SYNE1: variants seen among roughly 807,000 people sequenced by gnomAD.
The protein encoded by SYNE1 is nesprin-1.
Under a neutral mutation model 1,111.0 loss-of-function variants are expected in SYNE1, and 616 were observed. The observed-to-expected ratio is 0.55, with a 90% CI of 0.52 to 0.59. The LOEUF (loss-of-function observed/expected upper bound fraction) is 0.59. Among genes scored for constraint, SYNE1 ranks in the 20% least tolerant of loss-of-function variants. The pLI is 0.00. For synonymous variants in SYNE1, 3,855 were observed against 3,825.8 expected (o/e 1.01, Z -0.28); for missense variants, 10,006 against 10,417.0 (o/e 0.96, Z 1.72).
intron 124 of SYNE1, among the ~76,000 whole-genome samples, chr6:152,208,702 T>A (rs888701817): frequency 1.3e-5 from 2 of 152,212 alleles, no homozygotes; most frequent in African/African-American, 4.8e-5. Context: ...AAAGATTTTT[T>A]AAAAACTGTA....
At position 152,373,212 on chromosome 6, in the gene SYNE1, A is replaced by C; in HGVS notation, c.9332T>G (p.Leu3111Trp). The C allele has an allele frequency of 6.2e-7, 1 of 1,610,900 alleles. No individual in the cohort carries two copies. ...GTGCTGTCCATTTTCACTTTCTGAC[A>C]AAAACTCCTATAAAAGAAAATATAG... Reference protein sequence around the residue: ...STSLQKIQEFLSESENGQHKL... With the variant: ...STSLQKIQEFWSESENGQHKL... Residue 3111 changes from leucine (L) to tryptophan (W), a missense_variant, in exon 59 of 146, where the codon TTG becomes TGG. Physicochemically the swap from Leu to Trp is moderately conservative, Grantham distance 61. This residue lies in a region of SYNE1 where 4,955 missense variants were observed against 5,017.2 expected (regional missense o/e 0.99). Transcript: ENST00000367255.
intron 51 of SYNE1, 68 bp downstream of exon 51, chr6:152,395,444 AAACC>A (rs1181586567): frequency 1.4e-5 from 21 of 1,544,638 alleles, no homozygotes; most frequent in African/African-American, 8.2e-5. Context: ...AATCAAAACC[AAACC>A]AACCAACCAA....
intron 3 of SYNE1, among the ~76,000 whole-genome samples, chr6:152,560,541 C>G (rs1461395704): frequency 1.3e-5 from 2 of 152,138 alleles, no homozygotes; most frequent in Non-Finnish European, 2.9e-5. Flanking sequence ...CTTTCCCAAA[C>G]TGTTTAAAAA....
At chr6:152,296,741 C>T (rs778154003) in intron 93 of SYNE1, among the ~76,000 whole-genome samples, 12 of 152,186 alleles carry the variant, frequency 7.9e-5, no homozygotes, top group Non-Finnish European at 1.8e-4. Flanking sequence ...AATTCACATT[C>T]GTAGCTTGTT....
intron 64 of SYNE1, among the ~76,000 whole-genome samples, chr6:152,359,914 A>T (rs4286796): frequency 0.18 from 27,377 of 151,268 alleles, 3,015 homozygotes; most frequent in African/African-American, 0.29. Context: ...TCCGTCCTCT[A>T]AACCATTAGG....
At chr6:152,310,571 GAATA>G (rs2095516501) in intron 88 of SYNE1, 53 bp from the exon 89 acceptor site, 1 of 1,612,746 alleles carries the variant, frequency 6.2e-7, no homozygotes, top group African/African-American at 1.3e-5. Context: ...CATAGGGGAA[GAATA>G]ACATCACAGT....
intron 34 of SYNE1, 56 bp downstream of exon 34, chr6:152,433,739 A>G: frequency 6.2e-7 from 1 of 1,600,498 alleles, no homozygotes; most frequent in South Asian, 1.1e-5. Context: ...GAAATGTAAG[A>G]AAGTAGTTCT....
intron 4 of SYNE1, among the ~76,000 whole-genome samples, chr6:152,532,713 G>A (rs748290223): frequency 1.3e-5 from 2 of 152,098 alleles, no homozygotes; most frequent in South Asian, 2.1e-4. Flanking sequence ...TGCACAGAAC[G>A]ACCCATAACT....
At chr6:152,288,520 A>G (rs1427750462) in intron 95 of SYNE1, among the ~76,000 whole-genome samples, 2 of 152,238 alleles carry the variant, frequency 1.3e-5, no homozygotes, top group African/African-American at 4.8e-5. Context: ...TAAAGGAATT[A>G]GGAAAATCTG....
At chr6:152,592,526 G>T (rs1023907766) in intron 3 of SYNE1, among the ~76,000 whole-genome samples, 1 of 152,122 alleles carries the variant, frequency 6.6e-6, no homozygotes, top group African/African-American at 2.4e-5. Flanking sequence ...AAAACACATG[G>T]ACATAAATTT....
At chr6:152,501,277 T>TAA (rs147344865) in intron 10 of SYNE1, among the ~76,000 whole-genome samples, 1 of 152,148 alleles carries the variant, frequency 6.6e-6, no homozygotes, top group African/African-American at 2.4e-5. Flanking sequence ...GTCCGTTGTT[T>TAA]AAAAAAACAG....
At chr6:152,275,726 A>T (rs75706849) in intron 98 of SYNE1, among the ~76,000 whole-genome samples, 12 of 131,268 alleles carry the variant, frequency 9.1e-5, no homozygotes, top group African/African-American at 9.4e-5. Context: ...ACAAAAAATT[A>T]AAAAAATTAG....
intron 33 of SYNE1, chr6:152,434,906 C>T (rs561151847): frequency 4.7e-4 from 71 of 152,184 alleles, no homozygotes; most frequent in East Asian, 5.8e-4. Context: ...ATGCTGTCAG[C>T]AGTACAGGTA....
chr6:152,322,735 T>C (rs7776230), intron 82 of SYNE1, among the ~76,000 whole-genome samples: 111,429 of 152,042 alleles, frequency 0.73, 41,248 homozygotes, highest in East Asian at 0.95. Flanking sequence ...AGTGACACGT[T>C]TATTCCTTTC....
At chr6:152,469,859 T>G (rs1490583897) in intron 16 of SYNE1, among the ~76,000 whole-genome samples, 3 of 152,116 alleles carry the variant, frequency 2.0e-5, no homozygotes, top group African/African-American at 7.2e-5. Flanking sequence ...TCTAAAACAA[T>G]GTGAAACCCC....
Position 152,427,843 on chromosome 6 carries a change from A to G in SYNE1, c.4977-27T>C, listed in dbSNP as rs368590296. ...TAAAGGAAGCAGAGAGCAGAAACAA[A>G]TTTATTGAAAATTATCATGCTAGCA... On this transcript the variant is annotated intron_variant, in intron 37 of 145. Coordinates refer to ENST00000367255, the MANE Select transcript of SYNE1 (RefSeq NM_182961.4). 1.5e-5 allele frequency: 24 copies of G among 1,613,842 alleles called. No homozygotes were observed. In the African/African-American group the frequency reaches 2.5e-4, roughly 17 times the overall value.
intron 75 of SYNE1, among the ~76,000 whole-genome samples, chr6:152,338,501 A>G (rs1282879813): frequency 1.3e-5 from 2 of 152,158 alleles, no homozygotes; most frequent in Non-Finnish European, 2.9e-5. Flanking sequence ...GTGTGCCTAT[A>G]GTCCCAGCTA....
In SYNE1 at chr6:152,154,873, A is replaced by G; in HGVS notation, c.24129+19T>C. The G allele has an allele frequency of 6.2e-7, 1 of 1,613,984 alleles. No individual in the cohort carries two copies. Among genetic ancestry groups the G allele is most frequent in the Non-Finnish European group, 8.5e-7 (1 of 1,179,898 alleles). On this transcript the variant is annotated intron_variant, in intron 133 of 145. Transcript: ENST00000367255. ...TTTAATAGCAAAATAAGGATTAAAAATTTGGAATTATAGATTACCTCAAAT... is the reference window on the plus strand; with the variant it reads ...TTTAATAGCAAAATAAGGATTAAAAGTTTGGAATTATAGATTACCTCAAAT...
intron 3 of SYNE1, among the ~76,000 whole-genome samples, chr6:152,568,245 A>C (rs2099424402): frequency 6.6e-6 from 1 of 151,828 alleles, no homozygotes; most frequent in African/African-American, 2.4e-5. Context: ...ATAGTGGGAA[A>C]ATATGTGCTA....
Sources: gnomAD v4.1 joint callset for allele counts (sites outside exome capture counted in the v4.1 genomes callset) on GRCh38, gnomAD v4.1.1 for gene constraint, gnomAD v4.1.1 regional missense constraint, MANE v1.5 for transcripts, NCBI Gene and HGNC (gene_info 2026-07-23, HGNC 2026-07-21) for gene names.